The following TLE3 variants were observed in gnomAD, a reference collection of about 807,000 sequenced individuals.
TLE3 encodes the protein TLE family member 3, transcriptional corepressor, also known as transducin-like enhancer protein 3.
In TLE3, 14 loss-of-function variants were observed where a neutral mutation model predicts 93.0. The ratio of observed to expected loss-of-function variants is 0.15; its 90% CI spans 0.10 to 0.24. The LOEUF is 0.24. Among genes scored for constraint, TLE3 ranks in the 10% least tolerant of loss-of-function variants. The probability of loss-of-function intolerance (pLI) is 1.00; values close to 1 mark genes in which losing one functional copy is unlikely to be tolerated. For missense variants in TLE3, 693 were observed against 1,046.6 expected (o/e 0.66, Z 4.66); for synonymous variants, 451 against 425.0 (o/e 1.06, Z -0.75).
In TLE3 at chr15:70,058,196, C is replaced by T. The variant is rs750440848; in HGVS notation, c.1014G>A (p.Arg338=). 1 of 1,613,960 alleles carries T rather than the reference C, an allele frequency of 6.2e-7. No individual in the cohort carries two copies. The highest frequency in any genetic ancestry group is 1.1e-5 in the South Asian group (1 of 91,080). ...TGCCCGGAGGTTTACCCGGCATCGA[C>T]CTGAGCCCTGGGGTCGTGCTGGTGC... ...TPGTSTTPGL[R]SMPGKPPGMD... Residue 338 remains arginine (R), a synonymous_variant, in exon 12 of 20, where the codon AGG becomes AGA. Coordinates refer to ENST00000451782, the MANE Select transcript of TLE3 (RefSeq NM_001105192.3). The surrounding 1 kb of genome is among the most constrained non-coding windows in gnomAD (Gnocchi z 4.1).
Position 70,058,008 on chromosome 15 carries a change from C to T in TLE3, c.1051+151G>A. On this transcript the variant is annotated intron_variant, in intron 12 of 19. Transcript: ENST00000451782. The surrounding 1 kb of genome is among the most constrained non-coding windows in gnomAD (Gnocchi z 4.1). ...GTCCCAGAAACCCTGGTGTCACCTCCTCAAATCTGACCGTGAAGTCCCCAG... is the reference window on the plus strand; with the variant it reads ...GTCCCAGAAACCCTGGTGTCACCTCTTCAAATCTGACCGTGAAGTCCCCAG... The T allele has an allele frequency of 7.7e-7, 1 of 1,305,382 alleles. No individual in the cohort carries two copies. The highest frequency in any genetic ancestry group is 1.5e-5 in the South Asian group (1 of 67,386). The allele number at this position is 1,305,382 out of a possible 1,614,324, so 80.9% of individuals were successfully genotyped here. A position where few individuals can be genotyped will look rare whatever the true frequency, so the allele number is the denominator to read the frequency against.
chr15:70,078,416 A>C (rs1037019674), intron 4 of TLE3, among the ~76,000 whole-genome samples: 2 of 151,766 alleles, frequency 1.3e-5, no homozygotes, highest in South Asian at 2.1e-4. Context: ...AACAAAAAAA[A>C]CCAACCTTAC....
intron 4 of TLE3, among the ~76,000 whole-genome samples, chr15:70,079,889 A>G (rs2057675156): frequency 6.6e-6 from 1 of 152,190 alleles, no homozygotes; most frequent in South Asian, 2.1e-4. Context: ...TGATTTCACT[A>G]AATGACTTCC....
chr15:70,096,798 T>TGGCA lies in TLE3; in HGVS notation c.-4_-1dup. The stretch of plus-strand genomic sequence containing the variant: ...ACCGGATGTCTGCCCTGCGGATACA[T>TGGCA]GGCAGGGAGGGGTCGTGATTCCGAG... On this transcript the variant is annotated 5_prime_UTR_variant, in exon 1 of 20. Transcript: ENST00000451782. The TGGCA allele has an allele frequency of 6.2e-7, 1 of 1,608,192 alleles. No individual in the cohort carries two copies. The highest frequency in any genetic ancestry group is 8.5e-7 in the Non-Finnish European group (1 of 1,176,858).
chr15:70,051,272 G>A (rs2055513290), intron 19 of TLE3, 119 bp downstream of exon 19: 1 of 1,010,458 alleles, frequency 9.9e-7, no homozygotes, highest in East Asian at 2.8e-5. Flanking sequence ...GACCAGGGCA[G>A]GTCTGATCCT....
chr15:70,074,481 G>A, intron 6 of TLE3, 52 bp downstream of exon 6: 1 of 1,572,302 alleles, frequency 6.4e-7, no homozygotes, highest in Non-Finnish European at 8.7e-7. Context: ...ATAAATGAGA[G>A]GAATAAAAGG....
chr15:70,080,581 AAAC>A (rs2057723327), intron 4 of TLE3, among the ~76,000 whole-genome samples: 1 of 152,184 alleles, frequency 6.6e-6, no homozygotes, highest in African/African-American at 2.4e-5. Flanking sequence ...AAATGACAGA[AAAC>A]AAGATAGTGG....
chr15:70,079,291 C>T, intron 4 of TLE3: 1 of 465,280 alleles, frequency 2.1e-6, no homozygotes, highest in Non-Finnish European at 4.3e-6. Flanking sequence ...TCCTGAGGCC[C>T]ATGTTCGACG....
rs2055241777 is a variant in TLE3, at chr15:70,048,349, G to T, written c.*1748C>A. 1 of 152,074 alleles carries T rather than the reference G, an allele frequency of 6.6e-6. No homozygotes were observed. Among genetic ancestry groups the T allele is most frequent in the Non-Finnish European group, 1.5e-5 (1 of 68,054 alleles). The allele number at this position is 152,074 out of a possible 1,614,324, so 9.4% of individuals were successfully genotyped here. A position where few individuals can be genotyped will look rare whatever the true frequency, so the allele number is the denominator to read the frequency against. The stretch of plus-strand genomic sequence containing the variant: ...CAAGAGGTGGCAGATGGACATCTGA[G>T]ACCCAGAGAGACTCTGGACGCCCCA... On this transcript the variant is annotated 3_prime_UTR_variant, in exon 20 of 20. Transcript: ENST00000451782.
intron 4 of TLE3, among the ~76,000 whole-genome samples, chr15:70,079,695 G>A (rs1256706414): frequency 6.6e-6 from 1 of 151,920 alleles, no homozygotes; most frequent in Non-Finnish European, 1.5e-5. Flanking sequence ...GGAGGGTGGC[G>A]CTTGGGGGAG....
chr15:70,054,452 G>A lies in TLE3; in HGVS notation c.1812C>T (p.Asn604=), dbSNP rs1214456786. Residue 604 remains asparagine, a synonymous_variant, in exon 16 of 20, where the codon AAC becomes AAT. Transcript: ENST00000451782. ...TGCCGGCTCACCTGACCAGGGTCTG[G>A]TTGTGCAGGTCCCAGACAGCAATGT... is the stretch of plus-strand genomic sequence containing the variant. ...DGNIAVWDLH[N]QTLVRQFQGH... 1.2e-6 allele frequency: 2 copies of A among 1,613,776 alleles called. No individual in the cohort carries two copies. The highest frequency in any genetic ancestry group is 2.2e-5 in the East Asian group (1 of 44,882).
At chr15:70,076,994 A>C (rs921664504) in intron 4 of TLE3, among the ~76,000 whole-genome samples, 2 of 152,234 alleles carry the variant, frequency 1.3e-5, no homozygotes, top group South Asian at 4.1e-4. Flanking sequence ...CTGGGACTAC[A>C]GACAGGAGCC....
chr15:70,074,007 G>A (rs925359519), intron 6 of TLE3, among the ~76,000 whole-genome samples: 5 of 152,254 alleles, frequency 3.3e-5, no homozygotes, highest in Admixed American at 6.5e-5. Flanking sequence ...GTTCACAAGC[G>A]TACATGATGA....
chr15:70,096,421 G>T (rs1241300995), intron 1 of TLE3, 160 bp from the exon 2 acceptor site: 5 of 1,304,116 alleles, frequency 3.8e-6, no homozygotes, highest in Admixed American at 5.8e-5. Flanking sequence ...CGGAGGGGGG[G>T]CGCCCCATCT....
At chr15:70,059,385 C>T (rs1321163208) in intron 10 of TLE3, 25 bp downstream of exon 10, 1 of 1,603,064 alleles carries the variant, frequency 6.2e-7, no homozygotes, top group South Asian at 1.1e-5. Context: ...ACCAAGAGCC[C>T]CCTTGCGACC....
At chr15:70,053,091 G>T in intron 17 of TLE3, 136 bp downstream of exon 17, 1 of 1,154,124 alleles carries the variant, frequency 8.7e-7, no homozygotes, top group Non-Finnish European at 1.2e-6. Flanking sequence ...AGCCTTCCCA[G>T]ATGGCTCAGG....
rs935187092 is a variant in TLE3, at chr15:70,097,897, G to C, written c.-1099C>G. On this transcript the variant is annotated 5_prime_UTR_variant, in exon 1 of 20. Coordinates refer to ENST00000451782, the MANE Select transcript of TLE3 (RefSeq NM_001105192.3). ...GAGCACGAGGTCTGAACTGCCGCGA[G>C]AGCAGTTCCAAATAGGGACTGAAAA... 3.6e-6 allele frequency: 1 copy of C among 280,324 alleles called. No individual in the cohort carries two copies. Among genetic ancestry groups the C allele is most frequent in the Non-Finnish European group, 6.6e-6 (1 of 151,020 alleles). 17.4% of individuals were successfully genotyped at this position (280,324 alleles called of 1,614,324 possible).
At chr15:70,093,385 G>A (rs757580755) in intron 4 of TLE3, among the ~76,000 whole-genome samples, 15 of 152,120 alleles carry the variant, frequency 9.9e-5, no homozygotes, top group Admixed American at 3.3e-4. Flanking sequence ...CACTTTCCAG[G>A]GTCACCTGCC....
chr15:70,058,156 T>C lies in TLE3; in HGVS notation c.1051+3A>G, dbSNP rs746708122. 9 of 1,613,956 alleles carry C rather than the reference T, an allele frequency of 5.6e-6. No homozygotes were observed. In the South Asian group the frequency reaches 7.7e-5, roughly 14 times the overall value. On this transcript the variant is annotated splice_donor_region_variant and intron_variant, in intron 12 of 19. Coordinates refer to ENST00000451782, the MANE Select transcript of TLE3 (RefSeq NM_001105192.3). The surrounding 1 kb of genome is among the most constrained non-coding windows in gnomAD (Gnocchi z 4.1). ...CCCAGCCCATGGTGCCTACCCATTA[T>C]ACCTATCGGGTCCATGCCCGGAGGT...
Sources: allele counts gnomAD v4.1 joint callset (sites outside exome capture counted in the v4.1 genomes callset), GRCh38; gene constraint gnomAD v4.1.1; non-coding constraint Gnocchi (gnomAD v3.1); transcripts MANE v1.5; gene names NCBI Gene and HGNC (gene_info 2026-07-23, HGNC 2026-07-21).